Variants in NRXN2 observed in about 807,000 individuals in gnomAD.
NRXN2 encodes neurexin 2.
Under a neutral mutation model 128.8 loss-of-function variants are expected in NRXN2, and 29 were observed. The ratio of observed to expected loss-of-function variants is 0.23; its 90% CI spans 0.17 to 0.31. The LOEUF is 0.31. Ranked by LOEUF, NRXN2 falls within the 10% of genes least tolerant of loss-of-function variation. The pLI is 1.00. For synonymous variants in NRXN2, 1,098 were observed against 1,075.2 expected, an observed-to-expected ratio of 1.02 and a Z score of -0.41; for missense variants, 1,881 against 2,452.6, an observed-to-expected ratio of 0.77 and a Z score of 4.92.
chr11:64,717,317 C>T (rs536470301), intron 1 of NRXN2, among the ~76,000 whole-genome samples: 117 of 152,326 alleles, frequency 7.7e-4, no homozygotes, highest in African/African-American at 2.7e-3. Flanking sequence ...TGCTCACTGA[C>T]GTCAGTGCAG....
intron 6 of NRXN2, 41 bp from the exon 7 acceptor site, chr11:64,677,078 C>A (rs115227454): frequency 2.3e-6 from 3 of 1,316,798 alleles, no homozygotes; most frequent in South Asian, 2.6e-5. Context: ...AGGGGGGTGT[C>A]AAAAAACAAC....
At chr11:64,718,652 G>A (rs910079050) in intron 1 of NRXN2, among the ~76,000 whole-genome samples, 7 of 152,146 alleles carry the variant, frequency 4.6e-5, no homozygotes, top group African/African-American at 7.2e-5. Flanking sequence ...AGAGAGGCTC[G>A]GTGTGGGGGA....
At position 64,620,377 on chromosome 11, in the gene NRXN2, G is replaced by A; in HGVS notation, c.4174-5C>T. 6.4e-7 allele frequency: 1 copy of A among 1,552,036 alleles called. No individual in the cohort carries two copies. On this transcript the variant is annotated splice_polypyrimidine_tract_variant and splice_region_variant and intron_variant, in intron 21 of 22. Coordinates refer to ENST00000265459, the MANE Select transcript of NRXN2 (RefSeq NM_015080.4). ...CACCAGCAGGTCATCTGTGTTCTGA[G>A]GGGCGAGAGAAGGGGTGGGGAAAGA...
At chr11:64,665,270 A>G (rs2049672898) in intron 9 of NRXN2, among the ~76,000 whole-genome samples, 1 of 151,046 alleles carries the variant, frequency 6.6e-6, no homozygotes, top group Admixed American at 6.6e-5. Flanking sequence ...ACAGAGCAAG[A>G]CTCCATCTCA....
At chr11:64,706,366 C>T (rs1259029317) in intron 2 of NRXN2, among the ~76,000 whole-genome samples, 6 of 144,608 alleles carry the variant, frequency 4.1e-5, no homozygotes, top group Non-Finnish European at 9.0e-5. Flanking sequence ...TGTTCCCCTT[C>T]CTGTGTCCAA....
chr11:64,635,214 G>A lies in NRXN2; in HGVS notation c.3585+57C>T. ...GCTGATCCCATGGCAATGAGGGGCT[G>A]AACTGATTTGGGAGCAGGAAGCTTG... On this transcript the variant is annotated intron_variant, in intron 18 of 22. Transcript: ENST00000265459. The surrounding 1 kb of genome is among the most constrained non-coding windows in gnomAD (Gnocchi z 4.8). 2 of 1,593,768 alleles carry A rather than the reference G, an allele frequency of 1.3e-6. No individual in the cohort carries two copies. Among genetic ancestry groups the A allele is most frequent in the Non-Finnish European group, 1.7e-6 (2 of 1,164,556 alleles).
chr11:64,650,820 G>A (rs531815005), intron 14 of NRXN2, among the ~76,000 whole-genome samples, 182 bp from the exon 15 acceptor site: 8 of 152,230 alleles, frequency 5.3e-5, no homozygotes, highest in African/African-American at 1.2e-4. Context: ...GTCCTGTCAC[G>A]GGGAGAATGT....
At position 64,661,052 on chromosome 11, in the gene NRXN2, C is replaced by G; in HGVS notation, c.1886G>C (p.Gly629Ala). 6.2e-7 allele frequency: 1 copy of G among 1,613,522 alleles called. No homozygotes were observed. The highest frequency in any genetic ancestry group is 8.5e-7 in the Non-Finnish European group (1 of 1,180,020). ...ILDLESELYLGGLPEGGRVDL... is the reference protein window; with the variant it reads ...ILDLESELYLAGLPEGGRVDL... Reference sequence around the variant, plus strand: ...CACCCGGCCCCCCTCAGGGAGACCGCCCAGGTACAGCTCACTCTCCAGGTC... The same window carrying G: ...CACCCGGCCCCCCTCAGGGAGACCGGCCAGGTACAGCTCACTCTCCAGGTC... Residue 629 changes from glycine to alanine, a missense_variant, in exon 10 of 23, where the codon GGC becomes GCC. Transcript: ENST00000265459.
rs1360601213 is a variant in NRXN2, at chr11:64,714,416, A to T, written c.-244-473T>A. ...TACTGGATAATGAAGTTGCTAAATA[A>T]TTCATTGGGATTAATTAAATGCCAA... On this transcript the variant is annotated intron_variant, in intron 1 of 22. Coordinates refer to ENST00000265459, the MANE Select transcript of NRXN2 (RefSeq NM_015080.4). The surrounding 1 kb of genome is among the most constrained non-coding windows in gnomAD (Gnocchi z 4.5). Among the ~76,000 whole-genome samples the T allele has an allele frequency of 6.6e-6, 1 of 152,090 alleles. No individual in the cohort carries two copies. The highest frequency in any genetic ancestry group is 2.4e-5 in the African/African-American group (1 of 41,394).
chr11:64,660,977 T>C lies in NRXN2; in HGVS notation c.1961A>G (p.Tyr654Cys). The change falls in exon 10 of 23, where the codon TAC (tyrosine) becomes TGC (cysteine). Residue 654 changes from tyrosine (Y) to cysteine (C), a missense_variant. This residue lies in a region of NRXN2 where 997 missense variants were observed against 1,240.8 expected (regional missense o/e 0.80). Coordinates refer to ENST00000265459, the MANE Select transcript of NRXN2 (RefSeq NM_015080.4). The surrounding 1 kb of genome is among the most constrained non-coding windows in gnomAD (Gnocchi z 5.2). ...EVWTAALRAG[Y>C]VGCVRDLFID... ...GAAGAGGTCCCGCACACAGCCCACG[T>C]AGCCTGCCCGGAGTGCTGCTGTCCA... 1 of 1,613,820 alleles carries C rather than the reference T, an allele frequency of 6.2e-7. No individual in the cohort carries two copies. The highest frequency in any genetic ancestry group is 8.5e-7 in the Non-Finnish European group (1 of 1,179,976).
In NRXN2 at chr11:64,697,803, C is replaced by A. The variant is rs374418415; in HGVS notation, c.731-11G>T. Reference sequence around the variant, plus strand: ...CCATGGGGTGCTCCTCTGCAGCCAGCGAGGTTCGGAGAAGACGGAGGCAGA... The same window carrying A: ...CCATGGGGTGCTCCTCTGCAGCCAGAGAGGTTCGGAGAAGACGGAGGCAGA... On this transcript the variant is annotated splice_polypyrimidine_tract_variant and intron_variant, in intron 2 of 22. Transcript: ENST00000265459. 1.2e-6 allele frequency: 2 copies of A among 1,613,422 alleles called. No homozygotes were observed. The highest frequency in any genetic ancestry group is 1.1e-5 in the South Asian group (1 of 91,054).
At chr11:64,653,868 T>C in intron 11 of NRXN2, 146 bp from the exon 12 acceptor site, 1 of 628,610 alleles carries the variant, frequency 1.6e-6, no homozygotes, top group Non-Finnish European at 2.8e-6. Flanking sequence ...CGTGCCCAGG[T>C]GCCCTCTTCC....
At chr11:64,701,625 G>A (rs1316113883) in intron 2 of NRXN2, among the ~76,000 whole-genome samples, 4 of 152,186 alleles carry the variant, frequency 2.6e-5, no homozygotes, top group Admixed American at 2.0e-4. Context: ...AGTACTCCCA[G>A]CTACTTGGGA....
chr11:64,653,620 GCCTC>G (rs751091761), intron 12 of NRXN2, 72 bp downstream of exon 12: 20 of 1,393,168 alleles, frequency 1.4e-5, no homozygotes, highest in Admixed American at 2.0e-5. Flanking sequence ...CTTCCTCCCA[GCCTC>G]CCTCCCTAAA....
chr11:64,710,138 C>A (rs955897603), intron 2 of NRXN2, among the ~76,000 whole-genome samples: 7 of 152,034 alleles, frequency 4.6e-5, no homozygotes, highest in African/African-American at 9.7e-5. Context: ...GAACTCCCGA[C>A]CTCAAGTAAT....
At chr11:64,633,081 A>G (rs567135538) in intron 18 of NRXN2, among the ~76,000 whole-genome samples, 1 of 151,908 alleles carries the variant, frequency 6.6e-6, no homozygotes, top group African/African-American at 2.4e-5. Context: ...AGGCCTCTCC[A>G]CCCTCAGGCA....
rs766110725 is a variant in NRXN2, at chr11:64,620,281, G to C, written c.4252+13C>G. Reference sequence around the variant, plus strand: ...GAGGGACCCGGGGCAGGGGAGGGGGGAAAGGCACTCACCAGTACTGGGCTC... The same window carrying C: ...GAGGGACCCGGGGCAGGGGAGGGGGCAAAGGCACTCACCAGTACTGGGCTC... On this transcript the variant is annotated intron_variant, in intron 22 of 22. Coordinates refer to ENST00000265459, the MANE Select transcript of NRXN2 (RefSeq NM_015080.4). The C allele has an allele frequency of 6.5e-7, 1 of 1,548,078 alleles. No homozygotes were observed. Among genetic ancestry groups the C allele is most frequent in the South Asian group, 1.2e-5 (1 of 84,008 alleles).
intron 2 of NRXN2, 140 bp from the exon 3 acceptor site, chr11:64,697,932 G>A (rs942236352): frequency 2.3e-6 from 2 of 887,594 alleles, no homozygotes; most frequent in Admixed American, 2.0e-5. Context: ...GTCACCCAAT[G>A]TGGAAGGCCC....
At chr11:64,718,336 G>A (rs762808924) in intron 1 of NRXN2, among the ~76,000 whole-genome samples, 1 of 152,096 alleles carries the variant, frequency 6.6e-6, no homozygotes, top group South Asian at 2.1e-4. Context: ...TGGGGATGCC[G>A]GCCTCCCTCT....
Sources: allele counts gnomAD v4.1 joint callset (sites outside exome capture counted in the v4.1 genomes callset), GRCh38; gene constraint gnomAD v4.1.1; regional missense constraint gnomAD v4.1.1; non-coding constraint Gnocchi (gnomAD v3.1); transcripts MANE v1.5; gene names NCBI Gene and HGNC (gene_info 2026-07-23, HGNC 2026-07-21).